The following XXYLT1 variants were observed in gnomAD, a reference collection of about 807,000 sequenced individuals.
XXYLT1 encodes the protein UDP-xylose:alpha-xyloside alpha-1,3-xylosyltransferase.
In XXYLT1, 20 loss-of-function variants were observed where a neutral mutation model predicts 28.9. The ratio of observed to expected loss-of-function variants is 0.69; its 90% confidence interval spans 0.49 to 1.00. The LOEUF is 1.00. Ranked by LOEUF, XXYLT1 falls within the 50% of genes least tolerant of loss-of-function variation. The pLI, the probability that XXYLT1 is intolerant of heterozygous loss-of-function variation, is 0.00. For synonymous variants in XXYLT1, 257 were observed against 253.8 expected, an observed-to-expected ratio of 1.01 and a Z score of -0.12; for missense variants, 542 against 560.1, an observed-to-expected ratio of 0.97 and a Z score of 0.33.
At chr3:195,259,618 C>T (rs547912593) in intron 1 of XXYLT1, 1 of 985,372 alleles carries the variant, frequency 1.0e-6, no homozygotes, top group Non-Finnish European at 1.2e-6. Context: ...AGGACAGTCG[C>T]GTGCGACAGG....
intron 1 of XXYLT1, 114 bp from the exon 2 acceptor site, chr3:195,226,970 T>C: frequency 1.5e-6 from 2 of 1,324,728 alleles, no homozygotes. Context: ...CTCTCCAGGG[T>C]CCACAAGCAG....
At chr3:195,163,173 G>T (rs999303257) in intron 2 of XXYLT1, among the ~76,000 whole-genome samples, 10 of 152,100 alleles carry the variant, frequency 6.6e-5, no homozygotes, top group Non-Finnish European at 1.0e-4. Flanking sequence ...AGAATTATCA[G>T]GTGTTTTCTG....
intron 3 of XXYLT1, among the ~76,000 whole-genome samples, chr3:195,082,302 G>A (rs1414541847): frequency 6.6e-6 from 1 of 152,142 alleles, no homozygotes; most frequent in African/African-American, 2.4e-5. Flanking sequence ...CAGGAAATAG[G>A]GGTGATGAGT....
chr3:195,202,168 C>G (rs917762285), intron 2 of XXYLT1, among the ~76,000 whole-genome samples: 2 of 152,000 alleles, frequency 1.3e-5, no homozygotes, highest in Non-Finnish European at 2.9e-5. Flanking sequence ...CAGAGTGAGA[C>G]TCCGTCTCAA....
chr3:195,236,191 C>T (rs568370999), intron 1 of XXYLT1, among the ~76,000 whole-genome samples: 2 of 152,308 alleles, frequency 1.3e-5, no homozygotes, highest in South Asian at 4.1e-4. Flanking sequence ...GCAGTGAGTT[C>T]TCTTGGGCCC....
chr3:195,253,269 C>T (rs1022564461), intron 1 of XXYLT1, among the ~76,000 whole-genome samples: 5 of 152,046 alleles, frequency 3.3e-5, no homozygotes, highest in African/African-American at 1.2e-4. Flanking sequence ...CAAAGACTCC[C>T]GTAAATCAGG....
chr3:195,141,721 C>A (rs1719502843), intron 3 of XXYLT1, among the ~76,000 whole-genome samples: 1 of 152,234 alleles, frequency 6.6e-6, no homozygotes, highest in East Asian at 1.9e-4. Context: ...CTCTGGGAAT[C>A]TAACGTGTTG....
intron 1 of XXYLT1, among the ~76,000 whole-genome samples, chr3:195,230,461 G>C (rs1724251457): frequency 6.6e-6 from 1 of 152,150 alleles, no homozygotes; most frequent in African/African-American, 2.4e-5. Context: ...TCTTTGCCAA[G>C]TCCAATGTCC....
intron 1 of XXYLT1, among the ~76,000 whole-genome samples, chr3:195,248,511 C>A (rs1270108647): frequency 1.3e-5 from 2 of 152,194 alleles, no homozygotes; most frequent in Non-Finnish European, 2.9e-5. Flanking sequence ...ACGGGAGTTT[C>A]TCTTATTTTT....
At chr3:195,233,882 T>G (rs567244542) in intron 1 of XXYLT1, among the ~76,000 whole-genome samples, 1 of 152,312 alleles carries the variant, frequency 6.6e-6, no homozygotes, top group East Asian at 1.9e-4. Context: ...AACATCCTTT[T>G]ATTTCAGACT....
At chr3:195,252,879 G>A (rs1380057953) in intron 1 of XXYLT1, among the ~76,000 whole-genome samples, 4 of 152,172 alleles carry the variant, frequency 2.6e-5, no homozygotes, top group Admixed American at 6.5e-5. Context: ...GGGCAGGGGC[G>A]GCGAGGCGGG....
At chr3:195,265,873 C>G (rs1311012797) in intron 1 of XXYLT1, among the ~76,000 whole-genome samples, 2 of 152,134 alleles carry the variant, frequency 1.3e-5, no homozygotes, top group Admixed American at 6.5e-5. Flanking sequence ...CCCATGCCAG[C>G]CCAGAAATGC....
At chr3:195,178,922 G>A (rs1248627184) in intron 2 of XXYLT1, among the ~76,000 whole-genome samples, 1 of 152,216 alleles carries the variant, frequency 6.6e-6, no homozygotes, top group African/African-American at 2.4e-5. Flanking sequence ...ATAAGAAAGA[G>A]TTTTCTAAAA....
At chr3:195,073,476 A>G (rs779049360) in intron 3 of XXYLT1, among the ~76,000 whole-genome samples, 24 of 151,456 alleles carry the variant, frequency 1.6e-4, no homozygotes, top group Non-Finnish European at 7.4e-5. Flanking sequence ...TCTCTGACTA[A>G]CCCCTCCCCC....
Position 195,090,779 on chromosome 3 carries a change from G to C in XXYLT1, c.786-20668C>G, listed in dbSNP as rs530750782. Among the ~76,000 whole-genome samples, 1,254 of 145,886 alleles carry C rather than the reference G, an allele frequency of 8.6e-3. 49 individuals are homozygous for C. The highest frequency in any genetic ancestry group is 0.032 in the African/African-American group (1,224 of 38,838). ...GATCAACAAAATTGATAGACCACTA[G>C]CAAGACTAATAAAGAAAAAAAGAGA... On this transcript the variant is annotated intron_variant, in intron 3 of 3. Transcript: ENST00000310380.
intron 3 of XXYLT1, among the ~76,000 whole-genome samples, chr3:195,072,175 C>T (rs867602687): frequency 3.9e-5 from 6 of 152,026 alleles, no homozygotes; most frequent in African/African-American, 1.5e-4. Flanking sequence ...TGGGGTGGAC[C>T]GTGCAGCTGT....
At chr3:195,158,752 G>A (rs1720728185) in intron 2 of XXYLT1, among the ~76,000 whole-genome samples, 1 of 152,238 alleles carries the variant, frequency 6.6e-6, no homozygotes, top group Non-Finnish European at 1.5e-5. Context: ...CTGTCCTGCG[G>A]GCACCTGTCC....
chr3:195,252,733 G>C (rs199949207), intron 1 of XXYLT1, among the ~76,000 whole-genome samples: 1,661 of 126,074 alleles, frequency 0.013, 7 homozygotes, highest in East Asian at 0.017. Context: ...CACACAGAGA[G>C]AGAGAGAGAG....
At chr3:195,074,723 A>T (rs2108639244) in intron 3 of XXYLT1, among the ~76,000 whole-genome samples, 1 of 152,290 alleles carries the variant, frequency 6.6e-6, no homozygotes, top group African/African-American at 2.4e-5. Flanking sequence ...GCTAAGGCTG[A>T]AGTTCTGTGG....
Sources: gnomAD v4.1 joint callset for allele counts (sites outside exome capture counted in the v4.1 genomes callset) on GRCh38, gnomAD v4.1.1 for gene constraint, MANE v1.5 for transcripts, NCBI Gene and HGNC (gene_info 2026-07-23, HGNC 2026-07-21) for gene names.